FYTTD1: variants seen among roughly 807,000 people sequenced by gnomAD.
FYTTD1 encodes the protein UAP56-interacting factor.
FYTTD1 carries 22 observed loss-of-function variants against 40.9 expected under a neutral mutation model. That is an observed-to-expected ratio of 0.54 (90% CI 0.38 to 0.77). The LOEUF (loss-of-function observed/expected upper bound fraction) is 0.77. FYTTD1 is among the 30% of genes least tolerant of loss of function. The pLI, the probability that FYTTD1 is intolerant of heterozygous loss-of-function variation, is 0.00. For missense variants in FYTTD1, 351 were observed against 392.2 expected, an observed-to-expected ratio of 0.90 and a Z score of 0.89; for synonymous variants, 140 against 137.9, an observed-to-expected ratio of 1.01 and a Z score of -0.10.
chr3:197,767,415 G>T (rs1285821800), intron 2 of FYTTD1, among the ~76,000 whole-genome samples: 1 of 150,052 alleles, frequency 6.7e-6, no homozygotes, highest in Non-Finnish European at 1.5e-5. Flanking sequence ...TGGGATTACA[G>T]GTGTGAGCCA....
chr3:197,767,357 C>G (rs1729581275), intron 2 of FYTTD1, among the ~76,000 whole-genome samples: 1 of 150,750 alleles, frequency 6.6e-6, no homozygotes, highest in African/African-American at 2.4e-5. Flanking sequence ...CCAGGATGGT[C>G]TCGATCTCCT....
At chr3:197,760,306 G>A (rs1366136000) in intron 2 of FYTTD1, among the ~76,000 whole-genome samples, 4 of 151,044 alleles carry the variant, frequency 2.6e-5, no homozygotes, top group African/African-American at 9.8e-5. Context: ...TAGAATGTAT[G>A]GAGTGTTCTT....
intron 2 of FYTTD1, among the ~76,000 whole-genome samples, chr3:197,761,151 T>C (rs1729375450): frequency 6.6e-6 from 1 of 151,880 alleles, no homozygotes; most frequent in South Asian, 2.1e-4. Context: ...AGAGTTGTTC[T>C]TCAATAGTAG....
In FYTTD1 at chr3:197,784,108, A is replaced by T. The variant is rs1730101397; in HGVS notation, c.*2199A>T. 1 of 152,584 alleles carries T rather than the reference A, an allele frequency of 6.6e-6. No individual in the cohort carries two copies. Among genetic ancestry groups the T allele is most frequent in the African/African-American group, 2.4e-5 (1 of 41,438 alleles). The allele number at this position is 152,584 out of a possible 1,614,324, so 9.5% of individuals were successfully genotyped here. On this transcript the variant is annotated 3_prime_UTR_variant, in exon 9 of 9. Transcript: ENST00000241502. The stretch of plus-strand genomic sequence containing the variant: ...AGTTTCGGTTTTTTTTAAAAACAGG[A>T]TGCAACTTAAACTTTTCTTTGCATC...
chr3:197,756,089 G>A (rs901478686), intron 1 of FYTTD1, among the ~76,000 whole-genome samples: 1 of 152,140 alleles, frequency 6.6e-6, no homozygotes, highest in Non-Finnish European at 1.5e-5. Flanking sequence ...CTGTGATTAC[G>A]GGAAGTAGGT....
chr3:197,774,118 G>T lies in FYTTD1; in HGVS notation c.595-31G>T, dbSNP rs1158913431. ...TTTGGATTCAAATCCTCTGCTTTCTGTGGTACCTACTGCTTTTTTTTTCCC... is the reference window on the plus strand; with the variant it reads ...TTTGGATTCAAATCCTCTGCTTTCTTTGGTACCTACTGCTTTTTTTTTCCC... On this transcript the variant is annotated intron_variant, in intron 5 of 8. Transcript: ENST00000241502. 4.4e-6 allele frequency: 7 copies of T among 1,591,456 alleles called. No homozygotes were observed. The Admixed American group carries it at 1.0e-4, about 23-fold the overall frequency.
intron 7 of FYTTD1, among the ~76,000 whole-genome samples, chr3:197,778,013 T>C (rs1249782509): frequency 6.6e-6 from 1 of 152,184 alleles, no homozygotes; most frequent in African/African-American, 2.4e-5. Context: ...TGCCTAGCCC[T>C]CCAGCCATCT....
intron 2 of FYTTD1, among the ~76,000 whole-genome samples, chr3:197,765,716 T>G (rs77727390): frequency 0.065 from 9,697 of 149,910 alleles, 656 homozygotes; most frequent in African/African-American, 0.17. Flanking sequence ...ACAAAAATAG[T>G]CCGGGCGCAG....
chr3:197,753,543 T>A (rs75514910), intron 1 of FYTTD1, among the ~76,000 whole-genome samples: 5 of 151,358 alleles, frequency 3.3e-5, no homozygotes, highest in Admixed American at 6.6e-5. Context: ...TTTTTTTTTT[T>A]AATTCTGATA....
At chr3:197,776,185 A>T (rs1244212870) in intron 6 of FYTTD1, among the ~76,000 whole-genome samples, 1 of 152,000 alleles carries the variant, frequency 6.6e-6, no homozygotes, top group Non-Finnish European at 1.5e-5. Flanking sequence ...TGACGAACTA[A>T]ATCTTTATTC....
chr3:197,778,241 AC>A, intron 7 of FYTTD1, 96 bp from the exon 8 acceptor site: 1 of 881,036 alleles, frequency 1.1e-6, no homozygotes. Flanking sequence ...TGGCCCTAAT[AC>A]ATTTGAACAT....
chr3:197,759,288 G>A (rs1445273807), intron 2 of FYTTD1, among the ~76,000 whole-genome samples: 1 of 151,852 alleles, frequency 6.6e-6, no homozygotes, highest in Non-Finnish European at 1.5e-5. Context: ...AGAACATATA[G>A]AGTGTTCTTC....
chr3:197,766,296 T>C (rs993804758), intron 2 of FYTTD1, among the ~76,000 whole-genome samples: 1 of 152,172 alleles, frequency 6.6e-6, no homozygotes, highest in Non-Finnish European at 1.5e-5. Context: ...TTATTTATAA[T>C]TAGAACTAAC....
intron 7 of FYTTD1, among the ~76,000 whole-genome samples, chr3:197,777,928 T>C (rs552708457): frequency 1.3e-5 from 2 of 152,104 alleles, no homozygotes; most frequent in Non-Finnish European, 2.9e-5. Context: ...CTTAGGCTGG[T>C]CTCTAACCCC....
intron 8 of FYTTD1, among the ~76,000 whole-genome samples, chr3:197,780,082 G>A (rs1218322622): frequency 6.8e-6 from 1 of 146,020 alleles, no homozygotes; most frequent in Admixed American, 6.9e-5. Flanking sequence ...CACACCTGGG[G>A]ATACAGGCAC....
intron 4 of FYTTD1, 94 bp downstream of exon 4, chr3:197,770,338 T>A: frequency 1.3e-6 from 1 of 759,916 alleles, no homozygotes; most frequent in Non-Finnish European, 2.2e-6. Context: ...ATTTTTTTAG[T>A]TATCTGGTCA....
At position 197,786,222 on chromosome 3, in the gene FYTTD1, TCTC is replaced by T. The variant is rs1478814318; in HGVS notation, c.*4316_*4318del. On this transcript the variant is annotated 3_prime_UTR_variant, in exon 9 of 9. Transcript: ENST00000241502. The stretch of plus-strand genomic sequence containing the variant: ...CCTCCGCCTCCCGGGTTCAAGCAAT[TCTC>T]CTGCCTCAGCCTCCCAAGTGGCTGG... 2.6e-5 allele frequency: 4 copies of T among 152,144 alleles called. No homozygotes were observed. Among genetic ancestry groups the T allele is most frequent in the Admixed American group, 6.6e-5 (1 of 15,246 alleles). 9.4% of individuals were successfully genotyped at this position (152,144 alleles called of 1,614,324 possible).
In FYTTD1 at chr3:197,749,925, C is replaced by G. The variant is rs749698800; in HGVS notation, c.-47C>G. ...GCGCGAGTGGGAGGTGGCAGGCCTGCGACTCCGGCCTTGTCCGCGCCCGCT... is the reference window on the plus strand; with the variant it reads ...GCGCGAGTGGGAGGTGGCAGGCCTGGGACTCCGGCCTTGTCCGCGCCCGCT... On this transcript the variant is annotated 5_prime_UTR_variant, in exon 1 of 9. Transcript: ENST00000241502. 2.3e-6 allele frequency: 3 copies of G among 1,293,048 alleles called. No individual in the cohort carries two copies. Among genetic ancestry groups the G allele is most frequent in the Non-Finnish European group, 2.1e-6 (2 of 943,616 alleles). 80.1% of individuals were successfully genotyped at this position (1,293,048 alleles called of 1,614,324 possible).
At chr3:197,750,137 C>T (rs965699875) in intron 1 of FYTTD1, 63 bp downstream of exon 1, 7 of 1,295,016 alleles carry the variant, frequency 5.4e-6, no homozygotes, top group Admixed American at 2.3e-5. Context: ...GCCGGCGGCG[C>T]GGTTTGTGGG....
Sources: allele counts gnomAD v4.1 joint callset (sites outside exome capture counted in the v4.1 genomes callset), GRCh38; gene constraint gnomAD v4.1.1; transcripts MANE v1.5; gene names NCBI Gene and HGNC (gene_info 2026-07-23, HGNC 2026-07-21).